SRBD1: variants seen among roughly 807,000 people sequenced by gnomAD.
SRBD1 encodes the protein S1 RNA binding domain 1.
In SRBD1, 88 loss-of-function variants were observed where a neutral mutation model predicts 115.3. The ratio of observed to expected loss-of-function variants is 0.76; its 90% confidence interval spans 0.64 to 0.91. The LOEUF (loss-of-function observed/expected upper bound fraction) is 0.91, where lower values mean the gene tolerates loss of function less well. Ranked by LOEUF, SRBD1 falls within the 40% of genes least tolerant of loss-of-function variation. The pLI, the probability that SRBD1 is intolerant of heterozygous loss-of-function variation, is 0.00. For missense variants in SRBD1, 1,385 were observed against 1,177.4 expected (o/e 1.18, Z -2.58); for synonymous variants, 509 against 407.7 (o/e 1.25, Z -2.99).
chr2:45,438,363 T>C (rs912036298), intron 16 of SRBD1, among the ~76,000 whole-genome samples: 2 of 152,152 alleles, frequency 1.3e-5, no homozygotes, highest in African/African-American at 4.8e-5. Flanking sequence ...CATACAAAAA[T>C]GCAGGCACAT....
intron 16 of SRBD1, among the ~76,000 whole-genome samples, chr2:45,450,243 C>G (rs1668953031): frequency 1.3e-5 from 2 of 152,084 alleles, no homozygotes; most frequent in African/African-American, 4.8e-5. Context: ...AGCATTAATT[C>G]TCTGTTAAGT....
chr2:45,458,783 A>G (rs1432495781), intron 16 of SRBD1, among the ~76,000 whole-genome samples: 1 of 152,152 alleles, frequency 6.6e-6, no homozygotes, highest in Admixed American at 6.6e-5. Flanking sequence ...TTAAGTCTGA[A>G]ATGAATTTCA....
chr2:45,442,323 C>A (rs1668694224), intron 16 of SRBD1, among the ~76,000 whole-genome samples: 1 of 152,146 alleles, frequency 6.6e-6, no homozygotes, highest in Admixed American at 6.5e-5. Flanking sequence ...TACCTTGATG[C>A]AATTAATAGA....
At chr2:45,416,062 T>G (rs1441402630) in intron 18 of SRBD1, among the ~76,000 whole-genome samples, 2 of 151,942 alleles carry the variant, frequency 1.3e-5, no homozygotes, top group Non-Finnish European at 2.9e-5. Flanking sequence ...ACTTATTAAC[T>G]GATAAATCTA....
At chr2:45,602,237 G>T (rs1301654005) in intron 2 of SRBD1, among the ~76,000 whole-genome samples, 154 bp from the exon 3 acceptor site, 4 of 152,198 alleles carry the variant, frequency 2.6e-5, no homozygotes, top group African/African-American at 7.2e-5. Flanking sequence ...TTATTGCTAA[G>T]AATTGAACCA....
At chr2:45,574,523 G>C in intron 8 of SRBD1, 104 bp downstream of exon 8, 1 of 1,038,996 alleles carries the variant, frequency 9.6e-7, no homozygotes, top group Non-Finnish European at 1.4e-6. Flanking sequence ...TTAAAAAAAA[G>C]TCTGAAAACA....
At chr2:45,600,158 G>A (rs1027461917) in intron 3 of SRBD1, among the ~76,000 whole-genome samples, 3 of 152,130 alleles carry the variant, frequency 2.0e-5, no homozygotes, top group African/African-American at 7.2e-5. Context: ...AAACCTACAT[G>A]TGCGATAAAA....
intron 17 of SRBD1, among the ~76,000 whole-genome samples, 155 bp downstream of exon 17, chr2:45,419,633 T>C (rs1471370167): frequency 2.0e-5 from 3 of 152,260 alleles, no homozygotes; most frequent in Non-Finnish European, 4.4e-5. Flanking sequence ...TCTTAAATGA[T>C]GTCTTCCCCT....
intron 16 of SRBD1, among the ~76,000 whole-genome samples, chr2:45,448,753 A>G (rs910503843): frequency 3.7e-4 from 56 of 152,342 alleles, no homozygotes; most frequent in African/African-American, 1.3e-3. Context: ...ATTAGAAAAC[A>G]GGATTCCTAC....
At chr2:45,498,828 T>C (rs1231089082) in intron 14 of SRBD1, among the ~76,000 whole-genome samples, 1 of 152,222 alleles carries the variant, frequency 6.6e-6, no homozygotes, top group African/African-American at 2.4e-5. Flanking sequence ...CAGGGTTTCA[T>C]TCTTTTTTTA....
Position 45,601,814 on chromosome 2 carries a change from A to G in SRBD1, c.261+89T>C. The G allele has an allele frequency of 6.7e-6, 10 of 1,502,940 alleles. No individual in the cohort carries two copies. In the South Asian group the frequency reaches 1.1e-4, roughly 17 times the overall value. 93.1% of individuals were successfully genotyped at this position (1,502,940 alleles called of 1,614,324 possible). ...ATTGCTGGCAGTTTTTGTCATTTAC[A>G]TGCCTTGTCCTACTCTGTAGAATAA... On this transcript the variant is annotated intron_variant, in intron 3 of 20. Transcript: ENST00000263736.
chr2:45,505,377 A>T lies in SRBD1; in HGVS notation c.1875-17046T>A, dbSNP rs573777592. ...AAGAGCAAACCTCAGGCTCAGTTAA[A>T]TCAATCTAGTGCCAGATGCCACTAT... On this transcript the variant is annotated intron_variant, in intron 14 of 20. Coordinates refer to ENST00000263736, the MANE Select transcript of SRBD1 (RefSeq NM_018079.5). Among the ~76,000 whole-genome samples, 4 of 152,298 alleles carry T rather than the reference A, an allele frequency of 2.6e-5. No homozygotes were observed. In the East Asian group the frequency reaches 7.7e-4, roughly 29 times the overall value.
chr2:45,579,889 C>T lies in SRBD1; in HGVS notation c.1058G>A (p.Arg353Lys). 6.3e-7 allele frequency: 1 copy of T among 1,593,488 alleles called. No individual in the cohort carries two copies. The highest frequency in any genetic ancestry group is 8.5e-7 in the Non-Finnish European group (1 of 1,172,812). Reference protein sequence around the residue: ...PGELSLLSYIRPDVKGLSTLQ... With the variant: ...PGELSLLSYIKPDVKGLSTLQ... ...AAAGCCAGTACCTTTAACGTCAGGC[C>T]TAATGTACGATAGCAGACTGAGCTC... The change falls in exon 7 of 21, where the codon AGG becomes AAG. Residue 353 changes from arginine to lysine, a missense_variant. Physicochemically the swap from Arg to Lys is conservative, Grantham distance 26. Coordinates refer to ENST00000263736, the MANE Select transcript of SRBD1 (RefSeq NM_018079.5).
At chr2:45,549,864 G>A (rs767243664) in intron 12 of SRBD1, among the ~76,000 whole-genome samples, 4 of 151,860 alleles carry the variant, frequency 2.6e-5, no homozygotes, top group African/African-American at 7.3e-5. Flanking sequence ...CCCTGACTCA[G>A]TAAAAGTTAA....
chr2:45,597,101 C>T (rs1673925746), intron 4 of SRBD1, among the ~76,000 whole-genome samples: 1 of 152,100 alleles, frequency 6.6e-6, no homozygotes, highest in South Asian at 2.1e-4. Context: ...GACCCAAATT[C>T]AGCCAATCAG....
chr2:45,437,808 A>G (rs1668544889), intron 16 of SRBD1, among the ~76,000 whole-genome samples: 1 of 152,224 alleles, frequency 6.6e-6, no homozygotes, highest in Non-Finnish European at 1.5e-5. Context: ...CCATAAAACT[A>G]GGCAATAACA....
chr2:45,495,780 T>C (rs181336962), intron 14 of SRBD1, among the ~76,000 whole-genome samples: 1 of 152,284 alleles, frequency 6.6e-6, no homozygotes, highest in East Asian at 1.9e-4. Flanking sequence ...AACAGTACTA[T>C]AAACATTCCA....
In SRBD1 at chr2:45,404,010, A is replaced by T. The variant is rs371642219; in HGVS notation, c.2513+9104T>A. 8.1e-4 allele frequency among the ~76,000 whole-genome samples: 123 copies of T among 152,230 alleles called. 1 individual carries two copies. Among genetic ancestry groups the T allele is most frequent in the African/African-American group, 2.9e-3 (119 of 41,544 alleles). Reference sequence around the variant, plus strand: ...ATAGAGGTGATTTACGCCCTCCAGGAGCCTCCCAAAGTAGGAAGGATATAA... The same window carrying T: ...ATAGAGGTGATTTACGCCCTCCAGGTGCCTCCCAAAGTAGGAAGGATATAA... On this transcript the variant is annotated intron_variant, in intron 19 of 20. Transcript: ENST00000263736.
chr2:45,598,242 G>T (rs1201637614), intron 4 of SRBD1, among the ~76,000 whole-genome samples: 1 of 152,128 alleles, frequency 6.6e-6, no homozygotes, highest in Non-Finnish European at 1.5e-5. Context: ...ATTCATTCAG[G>T]AACAAGGTAA....
Sources: gnomAD v4.1 joint callset for allele counts (sites outside exome capture counted in the v4.1 genomes callset) on GRCh38, gnomAD v4.1.1 for gene constraint, MANE v1.5 for transcripts, NCBI Gene and HGNC (gene_info 2026-07-23, HGNC 2026-07-21) for gene names.